ELP6: variants seen among roughly 807,000 people sequenced by gnomAD.
ELP6 encodes elongator acetyltransferase complex subunit 6, also known as elongator complex protein 6.
Under a neutral mutation model 28.1 loss-of-function variants are expected in ELP6, and 23 were observed. That is an observed-to-expected ratio of 0.82 (90% confidence interval 0.59 to 1.16). ELP6 has a LOEUF of 1.16. Ranked by LOEUF, ELP6 falls within the 50% of genes most tolerant of loss-of-function variation. The pLI, the probability that ELP6 is intolerant of heterozygous loss-of-function variation, is 0.00. For synonymous variants in ELP6, 132 were observed against 135.8 expected, an observed-to-expected ratio of 0.97 and a Z score of 0.19; for missense variants, 313 against 334.6, an observed-to-expected ratio of 0.94 and a Z score of 0.50.
intron 4 of ELP6, 60 bp from the exon 5 acceptor site, chr3:47,501,911 C>T (rs867219058): frequency 1.3e-6 from 2 of 1,502,798 alleles, no homozygotes; most frequent in Non-Finnish European, 1.8e-6. Flanking sequence ...TTATCAAGGA[C>T]CAAGTAGCAC....
chr3:47,509,109 C>T (rs1057376529), intron 3 of ELP6, among the ~76,000 whole-genome samples: 2 of 151,518 alleles, frequency 1.3e-5, no homozygotes, highest in African/African-American at 4.9e-5. Context: ...TCTATAGGAG[C>T]ATGCCAACCA....
chr3:47,497,098 G>A (rs1708499430), intron 6 of ELP6: 1 of 975,892 alleles, frequency 1.0e-6, no homozygotes, highest in South Asian at 4.7e-5. Flanking sequence ...CACTCTTATT[G>A]GGTCAGGAGT....
At chr3:47,499,878 GGGACC>G in intron 5 of ELP6, 1 of 1,251,074 alleles carries the variant, frequency 8.0e-7, no homozygotes, top group Non-Finnish European at 1.0e-6. Context: ...AAGCTGCAGT[GGGACC>G]CGGAGGCGAA....
intron 6 of ELP6, chr3:47,497,319 C>T (rs937301900): frequency 1.2e-5 from 12 of 985,132 alleles, no homozygotes; most frequent in Middle Eastern, 5.2e-4. Context: ...TCCACGGGTA[C>T]GGCCTCCCCA....
intron 3 of ELP6, among the ~76,000 whole-genome samples, chr3:47,509,557 C>T (rs1365115590): frequency 2.6e-5 from 4 of 152,198 alleles, no homozygotes; most frequent in Non-Finnish European, 1.5e-5. Context: ...AGGCATCCAA[C>T]TTAGCAGCAG....
intron 1 of ELP6, chr3:47,513,329 A>G: frequency 7.2e-7 from 1 of 1,386,426 alleles, no homozygotes; most frequent in Non-Finnish European, 9.3e-7. Flanking sequence ...ACAGCCGTTG[A>G]GAATATGCGA....
intron 5 of ELP6, chr3:47,499,752 G>C: frequency 9.7e-7 from 1 of 1,027,084 alleles, no homozygotes; most frequent in Non-Finnish European, 1.2e-6. Flanking sequence ...AGTGGCTCCT[G>C]TAGGGGTGCA....
At position 47,496,097 on chromosome 3, in the gene ELP6, G is replaced by C; in HGVS notation, c.773C>G (p.Ala258Gly). The C allele has an allele frequency of 1.2e-6, 2 of 1,613,980 alleles. No homozygotes were observed. Among genetic ancestry groups the C allele is most frequent in the Non-Finnish European group, 1.7e-6 (2 of 1,179,964 alleles). Residue 258 changes from alanine (A) to glycine (G), a missense_variant, in exon 7 of 7, where the codon GCC becomes GGC. Transcript: ENST00000296149. The stretch of plus-strand genomic sequence containing the variant: ...CAGAACAGCAGGAGACATTCCTTTG[G>C]CAAAAAAGGACACGCTTTTGTCCTG... ...KIQDKSVSFFAKGMSPAVL is the reference protein window; with the variant it reads ...KIQDKSVSFFGKGMSPAVL
chr3:47,513,204 C>A, intron 1 of ELP6: 1 of 1,120,210 alleles, frequency 8.9e-7, no homozygotes, highest in Non-Finnish European at 1.1e-6. Context: ...CTTGGCCAGA[C>A]TTGTCTCGAA....
intron 3 of ELP6, among the ~76,000 whole-genome samples, chr3:47,509,745 G>A (rs1195253978): frequency 3.3e-5 from 5 of 151,962 alleles, no homozygotes; most frequent in East Asian, 1.9e-4. Context: ...TTAGCCCTTC[G>A]AGTAAGGGGT....
chr3:47,497,029 G>C, intron 6 of ELP6: 1 of 984,578 alleles, frequency 1.0e-6, no homozygotes, highest in Non-Finnish European at 1.2e-6. Flanking sequence ...TGCTGGGCTT[G>C]GTCCTCTGTG....
Position 47,506,919 on chromosome 3 carries a change from T to C in ELP6, c.205-2471A>G, listed in dbSNP as rs567446254. 7.9e-5 allele frequency among the ~76,000 whole-genome samples: 12 copies of C among 152,304 alleles called. No homozygotes were observed. The South Asian group carries it at 1.7e-3, about 21-fold the overall frequency. ...GCCATGGCTTCAGCCGGTCCCTCCG[T>C]TTGGAGTCCCTGACTTCCTGCAACA... On this transcript the variant is annotated intron_variant, in intron 3 of 6. Coordinates refer to ENST00000296149, the MANE Select transcript of ELP6 (RefSeq NM_001031703.3).
At chr3:47,507,630 C>CA (rs915946145) in intron 3 of ELP6, among the ~76,000 whole-genome samples, 2,107 of 88,242 alleles carry the variant, frequency 0.024, 16 homozygotes, top group African/African-American at 0.031. Flanking sequence ...ACCCATTCTC[C>CA]AAAAAAAAAA....
chr3:47,510,776 C>G (rs1015621481), intron 2 of ELP6, among the ~76,000 whole-genome samples: 1 of 152,186 alleles, frequency 6.6e-6, no homozygotes, highest in Non-Finnish European at 1.5e-5. Context: ...CAGCCATGTT[C>G]TTTAGGAAGC....
chr3:47,499,536 A>AAAAT lies in ELP6; in HGVS notation c.526-1105_526-1104insATTT, dbSNP rs34741663. On this transcript the variant is annotated intron_variant, in intron 5 of 6. Transcript: ENST00000296149. Reference sequence around the variant, plus strand: ...TCCATCTCAAAAAAAAAAAAAAAAAAAGCCAGGCGTGGTGGCAGGCACCTG... The same window carrying AAAAT: ...TCCATCTCAAAAAAAAAAAAAAAAAAAAATAGCCAGGCGTGGTGGCAGGCACCTG... Among the ~76,000 whole-genome samples the AAAAT allele has an allele frequency of 1.3e-4, 16 of 119,520 alleles. 2 individuals carry two copies. The highest frequency in any genetic ancestry group is 1.9e-4 in the African/African-American group (6 of 31,466). 78.4% of individuals were successfully genotyped at this position (119,520 alleles called of 152,430 possible).
intron 1 of ELP6, chr3:47,511,963 C>T: frequency 1.0e-6 from 1 of 984,272 alleles, no homozygotes; most frequent in Non-Finnish European, 1.2e-6. Context: ...TGTGAAAGAT[C>T]ACATCGTCAG....
At chr3:47,512,203 CT>C (rs1435012333) in intron 1 of ELP6, 14 of 301,716 alleles carry the variant, frequency 4.6e-5, no homozygotes, top group African/African-American at 2.5e-4. Context: ...TCCTGGTTGC[CT>C]GGAGGAGTTT....
intron 2 of ELP6, among the ~76,000 whole-genome samples, chr3:47,510,667 C>T (rs933100806): frequency 6.6e-6 from 1 of 152,126 alleles, no homozygotes; most frequent in Non-Finnish European, 1.5e-5. Flanking sequence ...CCTATATTGC[C>T]CAGGCTGGTC....
intron 3 of ELP6, chr3:47,509,890 T>G (rs1332482540): frequency 5.0e-6 from 1 of 200,304 alleles, no homozygotes; most frequent in Non-Finnish European, 1.0e-5. Flanking sequence ...GCCTCCTAAA[T>G]AGCTGGGACT....
Sources: allele counts gnomAD v4.1 joint callset (sites outside exome capture counted in the v4.1 genomes callset), GRCh38; gene constraint gnomAD v4.1.1; transcripts MANE v1.5; gene names NCBI Gene and HGNC (gene_info 2026-07-23, HGNC 2026-07-21).